Variants in NAV3 observed in about 807,000 individuals in gnomAD.
NAV3 encodes neuron navigator 3.
In NAV3, 87 loss-of-function variants were observed where a neutral mutation model predicts 244.7. The ratio of observed to expected loss-of-function variants is 0.36; its 90% CI spans 0.30 to 0.42. The LOEUF is 0.42. Ranked by LOEUF, NAV3 falls within the 20% of genes least tolerant of loss-of-function variation. NAV3 has a pLI of 1.00. For missense variants in NAV3, 2,663 were observed against 2,893.3 expected, an observed-to-expected ratio of 0.92 and a Z score of 1.83; for synonymous variants, 1,126 against 1,042.2, an observed-to-expected ratio of 1.08 and a Z score of -1.55.
At chr12:77,630,862 C>T (rs1871863183) in intron 2 of NAV3, among the ~76,000 whole-genome samples, 1 of 152,118 alleles carries the variant, frequency 6.6e-6, no homozygotes, top group South Asian at 2.1e-4. Flanking sequence ...CAACTTGCTG[C>T]TCATTAAACA....
intron 11 of NAV3, chr12:78,056,318 C>T (rs752954282): frequency 6.6e-6 from 1 of 152,056 alleles, no homozygotes; most frequent in Non-Finnish European, 1.5e-5. Flanking sequence ...TGTTGGCTTA[C>T]GTAGGAGGCA....
intron 22 of NAV3, among the ~76,000 whole-genome samples, chr12:78,157,317 G>T (rs1433141174): frequency 6.6e-6 from 1 of 151,650 alleles, no homozygotes; most frequent in Non-Finnish European, 1.5e-5. Context: ...GCGGGGCCAA[G>T]GTGGGAAGAA....
intron 2 of NAV3, among the ~76,000 whole-genome samples, chr12:77,596,219 A>G (rs534719321): frequency 1.4e-4 from 21 of 152,172 alleles, no homozygotes; most frequent in Non-Finnish European, 2.8e-4. Flanking sequence ...GAGGATAACA[A>G]TTACACCAGT....
intron 7 of NAV3, among the ~76,000 whole-genome samples, chr12:78,003,793 A>C (rs1873735880): frequency 6.6e-6 from 1 of 152,250 alleles, no homozygotes; most frequent in Admixed American, 6.5e-5. Flanking sequence ...TAGTTCTGTG[A>C]ATTTAGATGT....
At chr12:78,088,639 T>A (rs1041223015) in intron 12 of NAV3, 4 of 152,140 alleles carry the variant, frequency 2.6e-5, no homozygotes, top group African/African-American at 9.7e-5. Flanking sequence ...AGCAAACCTC[T>A]AATCCGGAAC....
chr12:77,717,799 G>C (rs577740050), intron 2 of NAV3, among the ~76,000 whole-genome samples: 32 of 152,090 alleles, frequency 2.1e-4, no homozygotes, highest in African/African-American at 7.0e-4. Context: ...CCAAACAAGT[G>C]TGAGGCACTG....
intron 12 of NAV3, among the ~76,000 whole-genome samples, chr12:78,059,961 A>ATGTGTGTG (rs55881265): frequency 2.0e-5 from 3 of 149,562 alleles, no homozygotes; most frequent in Non-Finnish European, 4.5e-5. Context: ...TTTCTTAAAG[A>ATGTGTGTG]TGTGTGTGTG....
intron 2 of NAV3, among the ~76,000 whole-genome samples, chr12:77,684,232 T>C (rs188808735): frequency 6.6e-6 from 1 of 152,170 alleles, no homozygotes; most frequent in East Asian, 1.9e-4. Context: ...ACATATACTC[T>C]TCTGAAGGGT....
chr12:78,202,926 T>C (rs1959876641), intron 38 of NAV3, among the ~76,000 whole-genome samples: 1 of 152,078 alleles, frequency 6.6e-6, no homozygotes, highest in Admixed American at 6.6e-5. Context: ...GAGAAAGAAG[T>C]GGAGAAACAA....
At chr12:77,882,515 G>C (rs1213936750) in intron 1 of NAV3, among the ~76,000 whole-genome samples, 1 of 151,966 alleles carries the variant, frequency 6.6e-6, no homozygotes, top group African/African-American at 2.4e-5. Context: ...CCTGACATCA[G>C]GCTTTATAAG....
chr12:77,797,508 G>A (rs1193592580), intron 2 of NAV3, among the ~76,000 whole-genome samples: 10 of 143,398 alleles, frequency 7.0e-5, no homozygotes, highest in South Asian at 2.3e-4. Flanking sequence ...AGTCTTAAAC[G>A]TAGAATCTTT....
intron 2 of NAV3, among the ~76,000 whole-genome samples, chr12:77,817,679 C>G (rs534033743): frequency 6.6e-6 from 1 of 151,966 alleles, no homozygotes; most frequent in South Asian, 2.1e-4. Flanking sequence ...AATTTTGTGG[C>G]TTTTTAAAAT....
At chr12:77,617,652 A>G (rs985817048) in intron 2 of NAV3, among the ~76,000 whole-genome samples, 2 of 152,138 alleles carry the variant, frequency 1.3e-5, no homozygotes, top group African/African-American at 2.4e-5. Context: ...TCCCTGAGGA[A>G]TTCTGCGTTG....
At chr12:77,955,178 G>C (rs1200680097) in intron 3 of NAV3, among the ~76,000 whole-genome samples, 2 of 152,072 alleles carry the variant, frequency 1.3e-5, no homozygotes, top group Non-Finnish European at 2.9e-5. Flanking sequence ...ATAAACAATG[G>C]GAAGTTGTGG....
At chr12:77,763,085 T>C (rs867689954) in intron 2 of NAV3, among the ~76,000 whole-genome samples, 1 of 152,220 alleles carries the variant, frequency 6.6e-6, no homozygotes, top group African/African-American at 2.4e-5. Flanking sequence ...TGCTGTAATA[T>C]CTGCCTTCAT....
intron 3 of NAV3, among the ~76,000 whole-genome samples, chr12:77,962,918 G>T (rs977833253): frequency 1.3e-5 from 2 of 151,818 alleles, no homozygotes; most frequent in Non-Finnish European, 2.9e-5. Context: ...TCTTGCTGTG[G>T]GTCACAGTCA....
At chr12:77,897,821 A>G (rs1884802326) in intron 1 of NAV3, among the ~76,000 whole-genome samples, 1 of 152,072 alleles carries the variant, frequency 6.6e-6, no homozygotes, top group African/African-American at 2.4e-5. Context: ...CTACCACACT[A>G]AAGAAGCCTC....
chr12:77,585,856 A>G (rs1869582415), intron 2 of NAV3, among the ~76,000 whole-genome samples: 1 of 152,128 alleles, frequency 6.6e-6, no homozygotes, highest in African/African-American at 2.4e-5. Context: ...TGAAATATTT[A>G]AATGTCTATT....
chr12:77,787,055 G>T (rs1253294719), intron 2 of NAV3, among the ~76,000 whole-genome samples: 1 of 151,940 alleles, frequency 6.6e-6, no homozygotes, highest in African/African-American at 2.4e-5. Flanking sequence ...ATATCCTGAG[G>T]TTGAAGAGAG....
Sources: gnomAD v4.1 joint callset for allele counts (sites outside exome capture counted in the v4.1 genomes callset) on GRCh38, gnomAD v4.1.1 for gene constraint, MANE v1.5 for transcripts, NCBI Gene and HGNC (gene_info 2026-07-23, HGNC 2026-07-21) for gene names.